Variants in LGALS4 observed in about 807,000 individuals in gnomAD.
LGALS4 encodes the protein galectin 4, also known as galectin-4.
A neutral mutation model predicts 39.6 loss-of-function variants in LGALS4; 37 were observed. That is an observed-to-expected ratio of 0.93 (90% confidence interval 0.72 to 1.23). The LOEUF (loss-of-function observed/expected upper bound fraction) is 1.23, where lower values mean the gene tolerates loss of function less well. LGALS4 is among the 50% of genes most tolerant of loss of function. The pLI, the probability that LGALS4 is intolerant of heterozygous loss-of-function variation, is 0.00. For missense variants in LGALS4, 397 were observed against 433.2 expected (o/e 0.92, Z 0.74); for synonymous variants, 160 against 165.5 (o/e 0.97, Z 0.25).
In LGALS4 at chr19:38,812,930, A is replaced by G. The variant is rs1971513071; in HGVS notation, c.-44T>C. ...TGGCTGGTCCTGTGAGAAGAGCTGC[A>G]GGAGTGGGAGATGGTGGCGGATGGC... is the stretch of plus-strand genomic sequence containing the variant. On this transcript the variant is annotated 5_prime_UTR_variant, in exon 1 of 10. Coordinates refer to ENST00000307751, the MANE Select transcript of LGALS4 (RefSeq NM_006149.4). 3.1e-6 allele frequency: 5 copies of G among 1,590,314 alleles called. No individual in the cohort carries two copies. The highest frequency in any genetic ancestry group is 4.3e-6 in the Non-Finnish European group (5 of 1,165,500).
chr19:38,803,535 G>A lies in LGALS4; in HGVS notation c.557C>T (p.Pro186Leu), dbSNP rs1434534144. Residue 186 changes from proline to leucine, a missense_variant, in exon 7 of 10, where the codon CCA becomes CTA. By Grantham distance (98) the Pro-to-Leu change is moderately conservative. Coordinates refer to ENST00000307751, the MANE Select transcript of LGALS4 (RefSeq NM_006149.4). Reference sequence around the variant, plus strand: ...CCCAAGCCATACCGGGTTGAAGGTTGGGGGTCCTTCCATGGTCTGTGAAGT... The same window carrying A: ...CCCAAGCCATACCGGGTTGAAGGTTAGGGGTCCTTCCATGGTCTGTGAAGT... ...LNSLPTMEGP[P>L]TFNPPVPYFG... 6.2e-7 allele frequency: 1 copy of A among 1,614,048 alleles called. No individual in the cohort carries two copies. Among genetic ancestry groups the A allele is most frequent in the East Asian group, 2.2e-5 (1 of 44,882 alleles).
At chr19:38,804,820 CT>C (rs978543150) in intron 4 of LGALS4, among the ~76,000 whole-genome samples, 7 of 150,960 alleles carry the variant, frequency 4.6e-5, no homozygotes, top group African/African-American at 1.5e-4. Context: ...AAGACTCCAT[CT>C]AAAAAAAAAA....
intron 2 of LGALS4, 99 bp downstream of exon 2, chr19:38,812,332 A>C: frequency 1.0e-6 from 1 of 1,003,258 alleles, no homozygotes; most frequent in South Asian, 1.4e-5. Context: ...TCCCCTCTCC[A>C]CCAGGGTGGG....
intron 4 of LGALS4, 70 bp from the exon 5 acceptor site, chr19:38,803,965 G>T: frequency 6.5e-7 from 1 of 1,527,740 alleles, no homozygotes; most frequent in Admixed American, 1.9e-5. Flanking sequence ...TGTCGAGAGT[G>T]CCTGCCCTGG....
rs896495574 is a variant in LGALS4, at chr19:38,803,759, G to A, written c.523C>T (p.Gln175Ter). The A allele has an allele frequency of 1.2e-6, 2 of 1,613,392 alleles. No individual in the cohort carries two copies. The highest frequency in any genetic ancestry group is 1.3e-5 in the African/African-American group (1 of 74,804). ...CCACTCACGGGCAGGCTGTTCAGCT[G>A]TTGATGGCAATGTCCGGGACCCTGA... is the stretch of plus-strand genomic sequence containing the variant. ...PYPGPGHCHQ[Q>*]LNSLPTMEGP... is the part of the protein sequence containing the mutation. Residue 175 changes from glutamine (Q) to a stop codon, truncating the protein, a stop_gained, in exon 6 of 10, where the codon CAG becomes TAG. Coordinates refer to ENST00000307751, the MANE Select transcript of LGALS4 (RefSeq NM_006149.4). LOFTEE classifies it high-confidence loss of function.
At chr19:38,803,652 A>T (rs1235238734) in intron 6 of LGALS4, 90 bp downstream of exon 6, 1 of 1,591,754 alleles carries the variant, frequency 6.3e-7, no homozygotes, top group Middle Eastern at 1.7e-4. Flanking sequence ...GGGTTAGTAC[A>T]CCTTGGGCTG....
intron 7 of LGALS4, chr19:38,803,163 C>T (rs941854877): frequency 7.4e-5 from 19 of 255,794 alleles, no homozygotes; most frequent in African/African-American, 1.6e-4. Flanking sequence ...TACAGGCGCG[C>T]GCCACCATGC....
rs150638075 is a variant in LGALS4, at chr19:38,803,880, G to T, written c.490C>A (p.Pro164Thr). The T allele has an allele frequency of 3.1e-6, 5 of 1,610,432 alleles. No homozygotes were observed. The African/African-American group carries it at 6.7e-5, about 22-fold the overall frequency. The change falls in exon 5 of 10, where the codon CCA becomes ACA. Residue 164 changes from proline (P) to threonine (T), a missense_variant. Physicochemically the swap from Pro to Thr is conservative, Grantham distance 38 (BLOSUM62 -1). Transcript: ENST00000307751. ...PLRPQGPPMM[P>T]PYPGPGHCHQ... ...CAGCAAGTACTTACAGGGTAAGGTG[G>T]CATCATCGGGGGTCCCTGTGGGCAC...
intron 7 of LGALS4, 116 bp downstream of exon 7, chr19:38,803,406 C>A (rs1971384177): frequency 9.7e-7 from 1 of 1,035,098 alleles, no homozygotes; most frequent in Non-Finnish European, 1.5e-6. Flanking sequence ...ACTCTATCTA[C>A]CCTTCCCCTA....
At chr19:38,812,756 GC>G in intron 1 of LGALS4, 85 bp downstream of exon 1, 6 of 1,453,172 alleles carry the variant, frequency 4.1e-6, no homozygotes, top group African/African-American at 1.4e-5. Flanking sequence ...GTCAGATGGG[GC>G]CCCCCAGGAT....
At position 38,802,419 on chromosome 19, in the gene LGALS4, C is replaced by CG. The variant is rs556747233; in HGVS notation, c.571-16dup. On this transcript the variant is annotated splice_polypyrimidine_tract_variant and intron_variant, in intron 7 of 9. Coordinates refer to ENST00000307751, the MANE Select transcript of LGALS4 (RefSeq NM_006149.4). The stretch of plus-strand genomic sequence containing the variant: ...TATGGCACAGGCTGTGGGAAGAGAA[C>CG]GGGGGGTCCCATTCTCTCTCAGCTT... 4.3e-3 allele frequency: 6,811 copies of CG among 1,599,220 alleles called. 23 individuals are homozygous for CG. Among genetic ancestry groups the CG allele is most frequent in the Non-Finnish European group, 5.4e-3 (6,285 of 1,166,432 alleles).
chr19:38,812,417 G>T lies in LGALS4; in HGVS notation c.134+14C>A. On this transcript the variant is annotated intron_variant, in intron 2 of 9. Coordinates refer to ENST00000307751, the MANE Select transcript of LGALS4 (RefSeq NM_006149.4). ...GTCCCCTGCCAGCCCGGCCTGGCTT[G>T]GGGAGGGTCTTACCGCTTCATGTGC... is the stretch of plus-strand genomic sequence containing the variant. 6.2e-7 allele frequency: 1 copy of T among 1,612,432 alleles called. No individual in the cohort carries two copies. The highest frequency in any genetic ancestry group is 8.5e-7 in the Non-Finnish European group (1 of 1,178,604).
At chr19:38,803,362 C>T in intron 7 of LGALS4, 160 bp downstream of exon 7, 1 of 691,762 alleles carries the variant, frequency 1.4e-6, no homozygotes, top group Admixed American at 2.6e-5. Flanking sequence ...GGAAAACATC[C>T]CCAATTCCTT....
rs775096958 is a variant in LGALS4 at position 38,808,743 on chromosome 19, C to T, written c.339+1G>A. 6 of 1,613,684 alleles carry T rather than the reference C, an allele frequency of 3.7e-6. No homozygotes were observed. The East Asian group carries it at 8.9e-5, about 24-fold the overall frequency. The stretch of plus-strand genomic sequence containing the variant: ...GGAAACAAGAGAGAAAGCATGCAGA[C>T]CTTGTAGTGCTCAGCCAGGACTATG... On this transcript the variant is annotated splice_donor_variant, in intron 3 of 9. Coordinates refer to ENST00000307751, the MANE Select transcript of LGALS4 (RefSeq NM_006149.4). LOFTEE classifies it high-confidence loss of function.
At chr19:38,802,766 C>T (rs1201446503) in intron 7 of LGALS4, among the ~76,000 whole-genome samples, 2 of 152,104 alleles carry the variant, frequency 1.3e-5, no homozygotes, top group Admixed American at 6.6e-5. Flanking sequence ...CAACCTCTGC[C>T]TCCTAGGTTC....
Position 38,812,451 on chromosome 19 carries a change from C to T in LGALS4, c.114G>A (p.Val38=). ...NVGMSVYIQG[V]ASEHMKRFFV... ...CTTACCGCTTCATGTGCTCGCTGGC[C>T]ACTCCTTGGATGTAAACAGACATTC... Residue 38 remains valine (V), a synonymous_variant, in exon 2 of 10, where the codon GTG becomes GTA. Coordinates refer to ENST00000307751, the MANE Select transcript of LGALS4 (RefSeq NM_006149.4). The T allele has an allele frequency of 1.2e-6, 2 of 1,614,114 alleles. No homozygotes were observed. Among genetic ancestry groups the T allele is most frequent in the Non-Finnish European group, 1.7e-6 (2 of 1,179,988 alleles).
intron 7 of LGALS4, chr19:38,803,228 T>A: frequency 2.1e-6 from 1 of 486,868 alleles, no homozygotes; most frequent in South Asian, 2.6e-5. Context: ...CTGGCCAGGA[T>A]GGTCTCGATC....
At chr19:38,808,613 A>C (rs1440693503) in intron 3 of LGALS4, 131 bp downstream of exon 3, 24 of 724,606 alleles carry the variant, frequency 3.3e-5, no homozygotes, top group Non-Finnish European at 5.3e-5. Context: ...AACAGAGTGA[A>C]ACTCCATCTC....
At chr19:38,809,104 C>T (rs917971978) in intron 2 of LGALS4, among the ~76,000 whole-genome samples, 156 bp from the exon 3 acceptor site, 14 of 151,744 alleles carry the variant, frequency 9.2e-5, no homozygotes, top group African/African-American at 2.2e-4. Context: ...TGGGCCACAG[C>T]GTGGAGAGGA....
Sources: gnomAD v4.1 joint callset for allele counts (sites outside exome capture counted in the v4.1 genomes callset) on GRCh38, gnomAD v4.1.1 for gene constraint, MANE v1.5 for transcripts, NCBI Gene and HGNC (gene_info 2026-07-23, HGNC 2026-07-21) for gene names.